The following TRHDE variants were observed in gnomAD, a reference collection of about 807,000 sequenced individuals.
The protein encoded by TRHDE is thyrotropin releasing hormone degrading enzyme.
In TRHDE, 72 loss-of-function variants were observed where a neutral mutation model predicts 125.7. That is an observed-to-expected ratio of 0.57 (90% CI 0.47 to 0.70). The LOEUF is 0.70. Among genes scored for constraint, TRHDE ranks in the 30% least tolerant of loss-of-function variants. The pLI, the probability that TRHDE is intolerant of heterozygous loss-of-function variation, is 0.00. For missense variants in TRHDE, 1,110 were observed against 1,327.1 expected, an observed-to-expected ratio of 0.84 and a Z score of 2.54; for synonymous variants, 509 against 509.1, an observed-to-expected ratio of 1.00 and a Z score of 0.00.
intron 5 of TRHDE, among the ~76,000 whole-genome samples, chr12:72,479,571 C>T (rs1195990723): frequency 6.6e-6 from 1 of 150,978 alleles, no homozygotes; most frequent in Non-Finnish European, 1.5e-5. Flanking sequence ...CACATCCTTT[C>T]CTATATGAAT....
chr12:72,577,098 C>T (rs1482225996), intron 12 of TRHDE, among the ~76,000 whole-genome samples: 2 of 152,000 alleles, frequency 1.3e-5, no homozygotes, highest in African/African-American at 4.8e-5. Flanking sequence ...ATTATTTTGG[C>T]ACAGAAGTTT....
At chr12:72,435,428 T>G (rs1874695160) in intron 3 of TRHDE, among the ~76,000 whole-genome samples, 2 of 152,274 alleles carry the variant, frequency 1.3e-5, no homozygotes, top group Middle Eastern at 3.4e-3. Context: ...AGACGATATC[T>G]AAACCAGGAT....
At chr12:72,438,618 C>T (rs1433704496) in intron 3 of TRHDE, among the ~76,000 whole-genome samples, 2 of 151,494 alleles carry the variant, frequency 1.3e-5, no homozygotes, top group Non-Finnish European at 3.0e-5. Context: ...TTTTTGTGAT[C>T]ATATTTTCTT....
chr12:72,622,693 T>A (rs1873102553), intron 15 of TRHDE, among the ~76,000 whole-genome samples: 1 of 152,064 alleles, frequency 6.6e-6, no homozygotes, highest in Non-Finnish European at 1.5e-5. Context: ...TATAACCTAC[T>A]TAGGAATGAA....
chr12:72,336,916 A>C (rs1371480583), intron 2 of TRHDE, among the ~76,000 whole-genome samples: 1 of 152,184 alleles, frequency 6.6e-6, no homozygotes, highest in African/African-American at 2.4e-5. Flanking sequence ...CATTCAAACC[A>C]TAGCACTACT....
chr12:72,492,189 G>A (rs1429878442), intron 5 of TRHDE, among the ~76,000 whole-genome samples: 5 of 151,882 alleles, frequency 3.3e-5, no homozygotes, highest in African/African-American at 1.2e-4. Context: ...TTTTTAAAGT[G>A]CATTGGTATA....
At chr12:72,200,700 C>T (rs1014216966) in intron 2 of TRHDE, among the ~76,000 whole-genome samples, 9 of 152,122 alleles carry the variant, frequency 5.9e-5, no homozygotes, top group Admixed American at 2.0e-4. Context: ...AATGAAGAGG[C>T]AGTCTTGCAA....
chr12:72,640,275 C>T (rs866683473), intron 15 of TRHDE, among the ~76,000 whole-genome samples: 4 of 152,224 alleles, frequency 2.6e-5, no homozygotes, highest in Non-Finnish European at 2.9e-5. Context: ...TTCCAGGTGC[C>T]GTCTGTCACC....
intron 2 of TRHDE, among the ~76,000 whole-genome samples, chr12:72,156,764 A>T (rs1876522056): frequency 6.6e-6 from 1 of 152,160 alleles, no homozygotes; most frequent in Non-Finnish European, 1.5e-5. Context: ...GGAAACATTT[A>T]TTTGTCTTTC....
chr12:72,519,950 T>C (rs1592507944), intron 6 of TRHDE, among the ~76,000 whole-genome samples: 2 of 152,148 alleles, frequency 1.3e-5, no homozygotes, highest in East Asian at 1.9e-4. Flanking sequence ...AGTGAGGCTG[T>C]TTGGGGGTCA....
rs1286623558 is a variant in TRHDE at position 72,670,164 on chromosome 12, T to C, written c.*6969T>C. 6.6e-6 allele frequency: 1 copy of C among 151,834 alleles called. No homozygotes were observed. Among genetic ancestry groups the C allele is most frequent in the African/African-American group, 2.4e-5 (1 of 41,410 alleles). 9.4% of individuals were successfully genotyped at this position (151,834 alleles called of 1,614,324 possible). A position where few individuals can be genotyped will look rare whatever the true frequency, so the allele number is the denominator to read the frequency against. ...AAAATATGTCATATAAAAGCACTTT[T>C]CCTTTCTAACATTTTATGATTTAGG... On this transcript the variant is annotated 3_prime_UTR_variant, in exon 19 of 19. Coordinates refer to ENST00000261180, the MANE Select transcript of TRHDE (RefSeq NM_013381.3).
At chr12:72,556,808 G>A (rs1182064418) in intron 7 of TRHDE, among the ~76,000 whole-genome samples, 2 of 152,114 alleles carry the variant, frequency 1.3e-5, no homozygotes, top group East Asian at 3.9e-4. Flanking sequence ...TCAAACTCTT[G>A]CTTCAGCCTT....
intron 2 of TRHDE, among the ~76,000 whole-genome samples, chr12:72,116,954 C>A (rs1407700445): frequency 6.6e-6 from 1 of 152,136 alleles, no homozygotes; most frequent in East Asian, 1.9e-4. Context: ...GACTTTCCTG[C>A]AGAGTTATTT....
At chr12:72,644,613 C>T (rs1322006047) in intron 15 of TRHDE, among the ~76,000 whole-genome samples, 4 of 152,188 alleles carry the variant, frequency 2.6e-5, no homozygotes, top group African/African-American at 9.7e-5. Flanking sequence ...ACAGATCTGC[C>T]ATAGTCTAGC....
intron 3 of TRHDE, among the ~76,000 whole-genome samples, chr12:72,413,760 A>G (rs1265474579): frequency 6.6e-6 from 1 of 152,036 alleles, no homozygotes; most frequent in Non-Finnish European, 1.5e-5. Context: ...CCATCCTCCA[A>G]ATCTAGATTG....
intron 12 of TRHDE, among the ~76,000 whole-genome samples, chr12:72,582,026 C>T (rs1227050699): frequency 1.4e-5 from 2 of 139,112 alleles, no homozygotes; most frequent in African/African-American, 2.8e-5. Flanking sequence ...TGCTTGAACC[C>T]AGGAGGCGGA....
At chr12:72,450,101 C>T (rs768426537) in intron 3 of TRHDE, among the ~76,000 whole-genome samples, 7 of 152,116 alleles carry the variant, frequency 4.6e-5, no homozygotes, top group Admixed American at 6.5e-5. Context: ...CCAAAGAGTA[C>T]AAAATATCAG....
intron 2 of TRHDE, among the ~76,000 whole-genome samples, chr12:72,210,110 T>A (rs1565663289): frequency 6.6e-6 from 1 of 152,220 alleles, no homozygotes; most frequent in Non-Finnish European, 1.5e-5. Context: ...TCAATATTAA[T>A]ATTTTTAAAT....
chr12:72,172,025 G>C (rs945293174), intron 2 of TRHDE, among the ~76,000 whole-genome samples: 2 of 152,178 alleles, frequency 1.3e-5, no homozygotes, highest in African/African-American at 4.8e-5. Context: ...GGCACAAGAG[G>C]GTTCTAGACA....
Sources: allele counts gnomAD v4.1 joint callset (sites outside exome capture counted in the v4.1 genomes callset), GRCh38; gene constraint gnomAD v4.1.1; transcripts MANE v1.5; gene names NCBI Gene and HGNC (gene_info 2026-07-23, HGNC 2026-07-21).